The following TRMT11 variants were observed in gnomAD, a reference collection of about 807,000 sequenced individuals.
TRMT11 encodes tRNA (guanine(10)-N(2))-methyltransferase TRMT11.
TRMT11 carries 53 observed loss-of-function variants against 62.8 expected under a neutral mutation model. The ratio of observed to expected loss-of-function variants is 0.84; its 90% confidence interval spans 0.68 to 1.06. The LOEUF is 1.06. TRMT11 is among the 50% of genes least tolerant of loss of function. TRMT11 has a pLI of 0.00. For synonymous variants in TRMT11, 188 were observed against 190.3 expected, an observed-to-expected ratio of 0.99 and a Z score of 0.10; for missense variants, 556 against 553.4, an observed-to-expected ratio of 1.00 and a Z score of -0.05.
At chr6:126,195,663 T>G (rs1490456894) in intron 1 of TRMT11, among the ~76,000 whole-genome samples, 1 of 152,144 alleles carries the variant, frequency 6.6e-6, no homozygotes, top group East Asian at 1.9e-4. Context: ...CCCATAGTCA[T>G]GTACTTTGGA....
At chr6:126,228,772 C>T in the TRMT11 span, among the ~76,000 whole-genome samples, 5 of 152,212 alleles carry the variant, frequency 3.3e-5, no homozygotes, top group East Asian at 5.8e-4. Flanking sequence ...TCCAATAAAC[C>T]AAGCAAACTC....
intron 17 of TRMT11, among the ~76,000 whole-genome samples, chr6:126,104,329 G>A (rs1191500428): frequency 6.6e-6 from 1 of 152,204 alleles, no homozygotes; most frequent in African/African-American, 2.4e-5. Flanking sequence ...GGGTGTACTA[G>A]GACTGGGGTT....
chr6:126,172,700 C>T (rs1426298842), upstream of TRMT11, among the ~76,000 whole-genome samples: 1 of 152,186 alleles, frequency 6.6e-6, no homozygotes, highest in African/African-American at 2.4e-5. Flanking sequence ...TGCAGGAAAT[C>T]TTTGCAAACT....
At chr6:126,150,160 C>G (rs1163614797) in intron 21 of TRMT11, among the ~76,000 whole-genome samples, 1 of 152,082 alleles carries the variant, frequency 6.6e-6, no homozygotes, top group African/African-American at 2.4e-5. Flanking sequence ...GGGTGAAGAA[C>G]TGGTGGCTTT....
chr6:126,208,727 C>T (rs1332173604), downstream of TRMT11, among the ~76,000 whole-genome samples: 5 of 152,132 alleles, frequency 3.3e-5, no homozygotes, highest in Non-Finnish European at 7.4e-5. Flanking sequence ...ACAGATAAAA[C>T]GATTCATAGA....
chr6:126,152,801 A>G (rs1778074068), intron 21 of TRMT11, among the ~76,000 whole-genome samples: 1 of 152,158 alleles, frequency 6.6e-6, no homozygotes, highest in Admixed American at 6.5e-5. Flanking sequence ...CTGTGTCAAA[A>G]CTCAGTCTTG....
Position 126,013,006 on chromosome 6 carries a change from T to C in TRMT11, c.1044T>C (p.His348=). 6.2e-7 allele frequency: 1 copy of C among 1,613,826 alleles called. No homozygotes were observed. Among genetic ancestry groups the C allele is most frequent in the Non-Finnish European group, 8.5e-7 (1 of 1,179,838 alleles). Reference sequence around the variant, plus strand: ...ATGTTCCTGTTTCCTTGAGTTATCATCTGAGTGATATGTTTCTTGACCTGT... The same window carrying C: ...ATGTTCCTGTTTCCTTGAGTTATCACCTGAGTGATATGTTTCTTGACCTGT... The part of the protein sequence containing the change: ...ESHVPVSLSY[H]LSDMFLDLLN... The change falls in exon 11 of 13, where the codon CAT becomes CAC. Residue 348 remains histidine (H), a synonymous_variant. Transcript: ENST00000334379.
the TRMT11 span, among the ~76,000 whole-genome samples, chr6:126,258,567 G>A: frequency 1.4e-4 from 22 of 152,320 alleles, no homozygotes; most frequent in African/African-American, 4.8e-4. Flanking sequence ...TCACTCTTTG[G>A]TCTGTTCAGA....
upstream of TRMT11, among the ~76,000 whole-genome samples, chr6:126,176,495 C>A (rs976107661): frequency 6.6e-6 from 1 of 152,104 alleles, no homozygotes; most frequent in African/African-American, 2.4e-5. Flanking sequence ...AGAAAAAGGA[C>A]CTCAGTTCCT....
At chr6:126,003,001 A>G (rs1409265754) in intron 7 of TRMT11, among the ~76,000 whole-genome samples, 1 of 152,004 alleles carries the variant, frequency 6.6e-6, no homozygotes, top group Non-Finnish European at 1.5e-5. Context: ...GCTTATCTTT[A>G]TTCTGTTTTA....
intron 17 of TRMT11, among the ~76,000 whole-genome samples, chr6:126,087,375 A>G (rs377243485): frequency 2.0e-5 from 3 of 152,368 alleles, no homozygotes; most frequent in East Asian, 3.9e-4. Context: ...TAAAGTAAGT[A>G]CTGCCAACAC....
At chr6:125,996,119 G>C (rs1425067594) in intron 3 of TRMT11, 79 bp downstream of exon 3, 6 of 1,027,864 alleles carry the variant, frequency 5.8e-6, no homozygotes, top group East Asian at 2.5e-5. Context: ...TGCTATATTG[G>C]GCAGTGTGAA....
At chr6:126,151,969 CCT>C (rs71024745) in intron 21 of TRMT11, among the ~76,000 whole-genome samples, 1 of 79,942 alleles carries the variant, frequency 1.3e-5, no homozygotes. Context: ...TTCTTTCTTT[CCT>C]CTCTCTCTCC....
the TRMT11 span, among the ~76,000 whole-genome samples, chr6:126,210,980 CTTTTTTTT>C: frequency 3.6e-4 from 47 of 131,682 alleles, no homozygotes; most frequent in African/African-American, 1.3e-3. Flanking sequence ...ATAACATTCC[CTTTTTTTT>C]TTTTTTTTTG....
chr6:126,190,060 T>A (rs940554477), intron 1 of TRMT11, among the ~76,000 whole-genome samples: 6 of 152,160 alleles, frequency 3.9e-5, no homozygotes, highest in Non-Finnish European at 5.9e-5. Flanking sequence ...GTTGGAAACA[T>A]TATAATTTCT....
intron 17 of TRMT11, among the ~76,000 whole-genome samples, chr6:126,073,643 T>C (rs886464611): frequency 2.0e-5 from 3 of 152,096 alleles, no homozygotes; most frequent in Non-Finnish European, 4.4e-5. Context: ...TTTTTAGTCC[T>C]CTATTACAGT....
In TRMT11 at chr6:125,998,212, T is replaced by C; in HGVS notation, c.295-11T>C. ...TAAAATACTCAAAAAACTGATTTCC[T>C]TTTATTTTAGGTTCCATTTCTACAT... On this transcript the variant is annotated splice_polypyrimidine_tract_variant and intron_variant, in intron 4 of 12. Coordinates refer to ENST00000334379, the MANE Select transcript of TRMT11 (RefSeq NM_001031712.3). The C allele has an allele frequency of 6.3e-7, 1 of 1,599,328 alleles. No individual in the cohort carries two copies. Among genetic ancestry groups the C allele is most frequent in the Non-Finnish European group, 8.6e-7 (1 of 1,167,450 alleles).
chr6:126,152,474 T>C (rs530632364), intron 21 of TRMT11, among the ~76,000 whole-genome samples: 1 of 152,130 alleles, frequency 6.6e-6, no homozygotes, highest in Non-Finnish European at 1.5e-5. Context: ...CTGCCCTGTG[T>C]GGAATCCAAG....
downstream of TRMT11, among the ~76,000 whole-genome samples, chr6:126,206,415 A>G (rs998921251): frequency 6.6e-6 from 1 of 152,120 alleles, no homozygotes; most frequent in Admixed American, 6.5e-5. Context: ...CGGTTATGTC[A>G]ATCTTTGTCG....
Sources: gnomAD v4.1 joint callset for allele counts (sites outside exome capture counted in the v4.1 genomes callset) on GRCh38, gnomAD v4.1.1 for gene constraint, MANE v1.5 for transcripts, NCBI Gene and HGNC (gene_info 2026-07-23, HGNC 2026-07-21) for gene names.